MYO5B: variants seen among roughly 807,000 people sequenced by gnomAD.
The protein encoded by MYO5B is unconventional myosin-Vb.
Under a neutral mutation model 229.3 loss-of-function variants are expected in MYO5B, and 143 were observed. The ratio of observed to expected loss-of-function variants is 0.62; its 90% CI spans 0.54 to 0.72. MYO5B has a LOEUF of 0.72. MYO5B is among the 30% of genes least tolerant of loss of function. The pLI is 0.00. For synonymous variants in MYO5B, 918 were observed against 885.2 expected, an observed-to-expected ratio of 1.04 and a Z score of -0.66; for missense variants, 2,321 against 2,331.0, an observed-to-expected ratio of 1.00 and a Z score of 0.09.
chr18:50,056,062 A>G (rs974598028), intron 1 of MYO5B, among the ~76,000 whole-genome samples: 1 of 152,172 alleles, frequency 6.6e-6, no homozygotes, highest in Admixed American at 6.5e-5. Context: ...GACAGGAACC[A>G]CTATGCCAGG....
intron 1 of MYO5B, among the ~76,000 whole-genome samples, chr18:50,151,116 G>T (rs2032591651): frequency 6.6e-6 from 1 of 152,212 alleles, no homozygotes; most frequent in Non-Finnish European, 1.5e-5. Flanking sequence ...TAAATGTGGT[G>T]ATGAGAGACA....
At chr18:49,953,894 ATGTGTGTGTGTGTGTGTGTGTG>A (rs71169463) in intron 13 of MYO5B, among the ~76,000 whole-genome samples, 1 of 108,472 alleles carries the variant, frequency 9.2e-6, no homozygotes, top group East Asian at 2.5e-4. Context: ...ATATACATAT[ATGTGTGTGTGTGTGTGTGTGTG>A]TGTGTGTGTG....
At chr18:49,836,480 A>AC (rs2144030226) in intron 38 of MYO5B, among the ~76,000 whole-genome samples, 1 of 152,312 alleles carries the variant, frequency 6.6e-6, no homozygotes, top group African/African-American at 2.4e-5. Flanking sequence ...AGTGAGTAAG[A>AC]GGGATAGAGA....
intron 1 of MYO5B, among the ~76,000 whole-genome samples, chr18:50,115,539 CACAG>C (rs1441934274): frequency 1.1e-3 from 71 of 65,704 alleles, no homozygotes; most frequent in Non-Finnish European, 1.7e-3. Context: ...CACACACACA[CACAG>C]AGAGACACAC....
At chr18:50,002,686 G>A (rs2026061315) in intron 4 of MYO5B, among the ~76,000 whole-genome samples, 1 of 152,196 alleles carries the variant, frequency 6.6e-6, no homozygotes, top group South Asian at 2.1e-4. Flanking sequence ...AAGAGGGCAG[G>A]CACTCTGCTT....
chr18:50,163,200 T>C (rs1325691997), intron 1 of MYO5B, among the ~76,000 whole-genome samples: 1 of 152,174 alleles, frequency 6.6e-6, no homozygotes, highest in Non-Finnish European at 1.5e-5. Flanking sequence ...GCTAATATTT[T>C]TTCCTTTTTC....
chr18:49,851,925 G>T (rs572866245), intron 31 of MYO5B, among the ~76,000 whole-genome samples: 1 of 152,164 alleles, frequency 6.6e-6, no homozygotes, highest in Non-Finnish European at 1.5e-5. Context: ...CCTAGCCTCT[G>T]TCTGGGCAAA....
chr18:49,837,487 C>A, intron 37 of MYO5B, 30 bp downstream of exon 37: 1 of 1,613,294 alleles, frequency 6.2e-7, no homozygotes, highest in Non-Finnish European at 8.5e-7. Flanking sequence ...CCCACTCTAT[C>A]TGTGTTGTTG....
chr18:49,917,494 G>A (rs1291980055), intron 17 of MYO5B, among the ~76,000 whole-genome samples: 1 of 98,936 alleles, frequency 1.0e-5, no homozygotes, highest in African/African-American at 3.5e-5. Flanking sequence ...GTTTGTAAAC[G>A]TTTACTCCAG....
intron 7 of MYO5B, among the ~76,000 whole-genome samples, chr18:49,986,323 TTCC>T (rs1241012944): frequency 6.6e-6 from 1 of 152,186 alleles, no homozygotes; most frequent in African/African-American, 2.4e-5. Context: ...GCTTTGCCCA[TTCC>T]TCCAAGTCTA....
intron 4 of MYO5B, among the ~76,000 whole-genome samples, chr18:50,008,831 G>C (rs1439578772): frequency 6.6e-6 from 1 of 152,126 alleles, no homozygotes; most frequent in African/African-American, 2.4e-5. Context: ...TCACTAATGG[G>C]ATAATCAGTC....
intron 5 of MYO5B, among the ~76,000 whole-genome samples, chr18:50,000,505 A>G (rs2026034282): frequency 6.6e-6 from 1 of 152,214 alleles, no homozygotes; most frequent in Non-Finnish European, 1.5e-5. Flanking sequence ...CTACGAGGCC[A>G]TTTCATTCTA....
At chr18:50,149,306 A>C (rs1405179650) in intron 1 of MYO5B, among the ~76,000 whole-genome samples, 10 of 150,760 alleles carry the variant, frequency 6.6e-5, no homozygotes, top group Admixed American at 6.6e-5. Context: ...GCTACCAATG[A>C]CTTTCTTCAC....
At chr18:50,030,725 C>G (rs1226304088) in intron 4 of MYO5B, among the ~76,000 whole-genome samples, 1 of 151,828 alleles carries the variant, frequency 6.6e-6, no homozygotes, top group Non-Finnish European at 1.5e-5. Context: ...AAGCTGCACA[C>G]CCCTCCCCAG....
chr18:49,982,618 C>A (rs1175375316), intron 8 of MYO5B, among the ~76,000 whole-genome samples: 1 of 152,146 alleles, frequency 6.6e-6, no homozygotes, highest in Non-Finnish European at 1.5e-5. Context: ...GGTTGGCAAA[C>A]TATGGCCCAC....
rs2023835375 is a variant in MYO5B, at chr18:49,825,704, G to C, written c.*767C>G. 1 of 152,494 alleles carries C rather than the reference G, an allele frequency of 6.6e-6. No individual in the cohort carries two copies. The highest frequency in any genetic ancestry group is 1.5e-5 in the Non-Finnish European group (1 of 68,082). 9.4% of individuals were successfully genotyped at this position (152,494 alleles called of 1,614,324 possible). On this transcript the variant is annotated 3_prime_UTR_variant, in exon 40 of 40. Coordinates refer to ENST00000285039, the MANE Select transcript of MYO5B (RefSeq NM_001080467.3). ...TTTTGTGGGACTTGGAAAGTGTATG[G>C]ACTAGCATCAGAAACAAAATATTTT...
chr18:50,152,633 G>A (rs1447251122), intron 1 of MYO5B, among the ~76,000 whole-genome samples: 1 of 152,126 alleles, frequency 6.6e-6, no homozygotes, highest in Admixed American at 6.5e-5. Flanking sequence ...CATGAGAGCA[G>A]GTAATCAATT....
At chr18:50,034,366 GCT>G (rs936473659) in intron 4 of MYO5B, among the ~76,000 whole-genome samples, 35 of 152,320 alleles carry the variant, frequency 2.3e-4, no homozygotes, top group African/African-American at 8.2e-4. Context: ...TTCTTTCTTG[GCT>G]CAACAGATTC....
At chr18:50,033,981 C>T (rs1032125504) in intron 4 of MYO5B, among the ~76,000 whole-genome samples, 2 of 152,270 alleles carry the variant, frequency 1.3e-5, no homozygotes, top group African/African-American at 4.8e-5. Context: ...GTCTCCACAC[C>T]TACTCAAAGC....
Sources: allele counts gnomAD v4.1 joint callset (sites outside exome capture counted in the v4.1 genomes callset), GRCh38; gene constraint gnomAD v4.1.1; transcripts MANE v1.5; gene names NCBI Gene and HGNC (gene_info 2026-07-23, HGNC 2026-07-21).